FRMPD4: variants seen among roughly 807,000 people sequenced by gnomAD.
FRMPD4 encodes FERM and PDZ domain-containing protein 4.
FRMPD4 carries 22 observed loss-of-function variants against 94.1 expected under a neutral mutation model. The ratio of observed to expected loss-of-function variants is 0.23; its 90% CI spans 0.17 to 0.33. The LOEUF (loss-of-function observed/expected upper bound fraction) is 0.33, where lower values mean the gene tolerates loss of function less well. FRMPD4 is among the 10% of genes least tolerant of loss of function. FRMPD4 has a pLI of 1.00. For synonymous variants in FRMPD4, 631 were observed against 548.6 expected (o/e 1.15, Z -2.10); for missense variants, 1,111 against 1,339.9 (o/e 0.83, Z 2.67).
chrX:12,610,014 C>T (rs1276906428), intron 3 of FRMPD4, 133 bp downstream of exon 3: 9 of 565,942 alleles, frequency 1.6e-5, no homozygotes, highest in Non-Finnish European at 2.5e-5. Flanking sequence ...GATAGAGTCA[C>T]TTCACCAGAG....
At chrX:12,650,374 C>T (rs2059585136) in intron 4 of FRMPD4, among the ~76,000 whole-genome samples, 1 of 111,990 alleles carries the variant, frequency 8.9e-6, no homozygotes, top group Non-Finnish European at 1.9e-5. Flanking sequence ...TGGCCCCAGA[C>T]AGGCAGGGAT....
chrX:12,245,198 C>T (rs1367932899), intron 1 of FRMPD4, among the ~76,000 whole-genome samples: 1 of 111,980 alleles, frequency 8.9e-6, no homozygotes, highest in Non-Finnish European at 1.9e-5. Flanking sequence ...CATAAAGGCA[C>T]TCTGTATGCA....
At chrX:12,035,066 T>A (rs185766863) in intron 3 of FRMPD4, among the ~76,000 whole-genome samples, 107 of 112,313 alleles carry the variant, frequency 9.5e-4, no homozygotes, top group Non-Finnish European at 1.5e-3. Context: ...CTTTTCAGTG[T>A]TGCTTCATTT....
chrX:12,684,358 T>C (rs780054906), intron 6 of FRMPD4, among the ~76,000 whole-genome samples: 1 of 112,423 alleles, frequency 8.9e-6, no homozygotes, highest in East Asian at 2.8e-4. Flanking sequence ...ATCTCACCTA[T>C]GATATATTCA....
At chrX:12,585,713 G>A (rs756323177) in intron 2 of FRMPD4, among the ~76,000 whole-genome samples, 47 of 112,114 alleles carry the variant, frequency 4.2e-4, no homozygotes, top group Non-Finnish European at 7.1e-4. Context: ...GTCCAATACA[G>A]AAGTCACTAG....
In FRMPD4 at chrX:11,847,798, C is replaced by A. The variant is rs1250625643; in HGVS notation, c.-160-17288C>A. Among the ~76,000 whole-genome samples, 396 of 99,915 alleles carry A rather than the reference C, an allele frequency of 4.0e-3. 2 individuals are homozygous for A. Among genetic ancestry groups the A allele is most frequent in the Non-Finnish European group, 5.8e-3 (292 of 50,088 alleles). The allele number at this position is 99,915 out of a possible 115,157, so 86.8% of individuals were successfully genotyped here. A position where few individuals can be genotyped will look rare whatever the true frequency, so the allele number is the denominator to read the frequency against. On this transcript the variant is annotated intron_variant, in intron 1 of 18. Transcript: ENST00000640291. Reference sequence around the variant, plus strand: ...ATCGCAAGAACAAAAAACCAAACACCGCATGTTCTCACTCATAGGTGGAAA... The same window carrying A: ...ATCGCAAGAACAAAAAACCAAACACAGCATGTTCTCACTCATAGGTGGAAA...
intron 1 of FRMPD4, among the ~76,000 whole-genome samples, chrX:12,439,020 A>G (rs899927403): frequency 9.0e-6 from 1 of 111,146 alleles, no homozygotes; most frequent in African/African-American, 3.3e-5. Context: ...TGTATAGTGA[A>G]CAAGTTTAGA....
At chrX:12,299,269 G>A (rs1269599767) in intron 1 of FRMPD4, among the ~76,000 whole-genome samples, 1 of 109,918 alleles carries the variant, frequency 9.1e-6, no homozygotes, top group East Asian at 2.8e-4. Flanking sequence ...TAAAGAAGAG[G>A]AAGAGAAGTA....
At chrX:12,110,796 A>C (rs1170006537) in intron 3 of FRMPD4, among the ~76,000 whole-genome samples, 1 of 111,549 alleles carries the variant, frequency 9.0e-6, no homozygotes, top group Non-Finnish European at 1.9e-5. Flanking sequence ...AGAGAGCCAA[A>C]TCCTGAGTGA....
At chrX:11,897,125 T>C (rs761536107) in intron 3 of FRMPD4, among the ~76,000 whole-genome samples, 1 of 99,783 alleles carries the variant, frequency 1.0e-5, no homozygotes, top group East Asian at 3.0e-4. Flanking sequence ...TAATTTAAAA[T>C]CTGGTATGGA....
chrX:12,229,152 C>G (rs888589352), intron 1 of FRMPD4, among the ~76,000 whole-genome samples: 3 of 111,905 alleles, frequency 2.7e-5, no homozygotes, highest in Non-Finnish European at 3.8e-5. Flanking sequence ...CATATATTCA[C>G]GCTGATTTTG....
intron 9 of FRMPD4, among the ~76,000 whole-genome samples, chrX:12,698,401 A>G (rs2060155010): frequency 9.0e-6 from 1 of 111,604 alleles, no homozygotes; most frequent in Admixed American, 9.6e-5. Context: ...GCAAATGAGT[A>G]AGACCTAAGA....
intron 1 of FRMPD4, among the ~76,000 whole-genome samples, chrX:12,497,070 G>GAAAGGA (rs1308260161): frequency 9.0e-6 from 1 of 111,459 alleles, no homozygotes; most frequent in Non-Finnish European, 1.9e-5. Flanking sequence ...GAATGGAAAG[G>GAAAGGA]AAAGGAAAAG....
chrX:12,215,948 A>G (rs1371179097), intron 1 of FRMPD4, among the ~76,000 whole-genome samples: 11 of 112,247 alleles, frequency 9.8e-5, no homozygotes, highest in Non-Finnish European at 2.1e-4. Flanking sequence ...TTCTTGGTAT[A>G]ACAACAGAGT....
At chrX:12,475,607 C>T (rs2057585833) in intron 1 of FRMPD4, among the ~76,000 whole-genome samples, 1 of 112,201 alleles carries the variant, frequency 8.9e-6, no homozygotes, top group African/African-American at 3.2e-5. Context: ...TAAGCAACTT[C>T]AGCAAAGTCT....
chrX:12,611,544 G>A (rs1419806547), intron 3 of FRMPD4, among the ~76,000 whole-genome samples: 2 of 112,280 alleles, frequency 1.8e-5, no homozygotes, highest in African/African-American at 6.5e-5. Flanking sequence ...GCACATCCTG[G>A]TCATTCCATA....
At chrX:12,189,362 A>G (rs1276895242) in intron 1 of FRMPD4, among the ~76,000 whole-genome samples, 1 of 111,299 alleles carries the variant, frequency 9.0e-6, no homozygotes, top group Non-Finnish European at 1.9e-5. Flanking sequence ...AAATTATACC[A>G]GTCCTCTACA....
In FRMPD4 at chrX:11,918,099, C is replaced by T. The variant is rs745872812; in HGVS notation, c.95+40081C>T. Among the ~76,000 whole-genome samples the T allele has an allele frequency of 2.5e-4, 28 of 111,702 alleles. 1 individual carries two copies. The highest frequency in any genetic ancestry group is 7.5e-4 in the South Asian group (2 of 2,684). On this transcript the variant is annotated intron_variant, in intron 3 of 18. Coordinates refer to the FRMPD4 transcript ENST00000640291. ...CCTCCTATCCTTGCTCTTTATGTGC[C>T]CTTTAAATAGATGTTCTCTTACTTC...
intron 1 of FRMPD4, among the ~76,000 whole-genome samples, chrX:12,359,296 A>T (rs1171554467): frequency 9.0e-6 from 1 of 111,626 alleles, no homozygotes; most frequent in African/African-American, 3.3e-5. Flanking sequence ...CATAAAATTA[A>T]TGTTTTCTGT....
Sources: gnomAD v4.1 joint callset for allele counts (sites outside exome capture counted in the v4.1 genomes callset) on GRCh38, gnomAD v4.1.1 for gene constraint, MANE v1.5 for transcripts, NCBI Gene and HGNC (gene_info 2026-07-23, HGNC 2026-07-21) for gene names.